The following SHROOM3 variants were observed in gnomAD, a reference collection of about 807,000 sequenced individuals.
SHROOM3 encodes protein Shroom3.
In SHROOM3, 47 loss-of-function variants were observed where a neutral mutation model predicts 138.6. That is an observed-to-expected ratio of 0.34 (90% CI 0.27 to 0.43). The LOEUF (loss-of-function observed/expected upper bound fraction) is 0.43, where lower values mean the gene tolerates loss of function less well. SHROOM3 is among the 20% of genes least tolerant of loss of function. The pLI is 1.00. For synonymous variants in SHROOM3, 1,062 were observed against 1,063.3 expected, an observed-to-expected ratio of 1.00 and a Z score of 0.02; for missense variants, 2,491 against 2,596.5, an observed-to-expected ratio of 0.96 and a Z score of 0.88.
In SHROOM3 at chr4:76,569,798, A is replaced by G. The variant is rs1286626789; in HGVS notation, c.323+14035A>G. Among the ~76,000 whole-genome samples the G allele has an allele frequency of 2.6e-5, 4 of 151,950 alleles. 1 individual carries two copies. The highest frequency in any genetic ancestry group is 4.4e-5 in the Non-Finnish European group (3 of 68,018). On this transcript the variant is annotated intron_variant, in intron 2 of 10. Coordinates refer to ENST00000296043, the MANE Select transcript of SHROOM3 (RefSeq NM_020859.4). ...GCAAATCCTTTGTACCTCTTCCTAC[A>G]TAAGACTGTCTTGAGGGAAGCCTGC...
chr4:76,732,884 T>C (rs756066142), intron 4 of SHROOM3, among the ~76,000 whole-genome samples: 1 of 152,236 alleles, frequency 6.6e-6, no homozygotes, highest in African/African-American at 2.4e-5. Flanking sequence ...GTGAGGATTA[T>C]ATAAAATAGC....
At chr4:76,554,497 G>A (rs1733438364) in intron 1 of SHROOM3, among the ~76,000 whole-genome samples, 2 of 147,004 alleles carry the variant, frequency 1.4e-5, no homozygotes, top group Admixed American at 7.0e-5. Flanking sequence ...TCAGCTCACT[G>A]CAAGCGTCGG....
At chr4:76,694,397 AGCTCCT>A (rs1719662033) in intron 2 of SHROOM3, among the ~76,000 whole-genome samples, 1 of 152,170 alleles carries the variant, frequency 6.6e-6, no homozygotes, top group African/African-American at 2.4e-5. Context: ...TTGTTTTAAA[AGCTCCT>A]GCTTACAGTG....
chr4:76,501,135 A>G (rs1394093375), intron 1 of SHROOM3, among the ~76,000 whole-genome samples: 2 of 152,088 alleles, frequency 1.3e-5, no homozygotes, highest in African/African-American at 4.8e-5. Flanking sequence ...CCATTTTTAA[A>G]TTAGATTGTC....
At chr4:76,666,935 A>G (rs1718708631) in intron 2 of SHROOM3, among the ~76,000 whole-genome samples, 3 of 152,248 alleles carry the variant, frequency 2.0e-5, no homozygotes, top group Admixed American at 2.0e-4. Flanking sequence ...ACATAGGTGA[A>G]CTTTGGGAAT....
chr4:76,493,155 C>A (rs188259274), intron 1 of SHROOM3, among the ~76,000 whole-genome samples: 2,277 of 133,880 alleles, frequency 0.017, 24 homozygotes, highest in Non-Finnish European at 0.024. Context: ...CGAGAGGCGG[C>A]GGTTGCAGTG....
chr4:76,501,142 T>A (rs1322783124), intron 1 of SHROOM3, among the ~76,000 whole-genome samples: 1 of 152,114 alleles, frequency 6.6e-6, no homozygotes. Flanking sequence ...TAAATTAGAT[T>A]GTCTTTTCTT....
At chr4:76,573,608 C>G (rs997696053) in intron 2 of SHROOM3, 3 of 154,342 alleles carry the variant, frequency 1.9e-5, no homozygotes, top group African/African-American at 7.2e-5. Flanking sequence ...AGGTCTTTGG[C>G]ACCATCTCCC....
At chr4:76,468,431 T>G (rs1415092732) in intron 1 of SHROOM3, among the ~76,000 whole-genome samples, 1 of 152,204 alleles carries the variant, frequency 6.6e-6, no homozygotes, top group African/African-American at 2.4e-5. Flanking sequence ...AAACAAATTA[T>G]AGAATTCCTT....
rs144413206 is a variant in SHROOM3, at chr4:76,701,437, C to T, written c.324-8719C>T. Among the ~76,000 whole-genome samples the T allele has an allele frequency of 4.7e-3, 710 of 152,278 alleles. 8 individuals carry two copies. The highest frequency in any genetic ancestry group is 0.016 in the African/African-American group (676 of 41,550). On this transcript the variant is annotated intron_variant, in intron 2 of 10. Coordinates refer to ENST00000296043, the MANE Select transcript of SHROOM3 (RefSeq NM_020859.4). ...GTGGCTTAGAAGTCCTGACCTTGAG[C>T]GAATAACTGTCCCTCTATGAGGCTG...
rs370940128 is a variant in SHROOM3 at position 76,631,459 on chromosome 4, C to T, written c.323+75696C>T. On this transcript the variant is annotated intron_variant, in intron 2 of 10. Transcript: ENST00000296043. Reference sequence around the variant, plus strand: ...AACTCCCAACCTCAGGTGATCCACCCGCCTCAGCCTCCCAAAGTGCTGGGA... The same window carrying T: ...AACTCCCAACCTCAGGTGATCCACCTGCCTCAGCCTCCCAAAGTGCTGGGA... 1.5e-4 allele frequency among the ~76,000 whole-genome samples: 23 copies of T among 152,042 alleles called. No homozygotes were observed. In the East Asian group the frequency reaches 2.9e-3, roughly 19 times the overall value.
chr4:76,682,519 T>C (rs1399942794), intron 2 of SHROOM3, among the ~76,000 whole-genome samples: 1 of 152,148 alleles, frequency 6.6e-6, no homozygotes, highest in African/African-American at 2.4e-5. Context: ...ACACTGTGAG[T>C]TCCTTGAAGT....
At chr4:76,492,592 G>A (rs548269450) in intron 1 of SHROOM3, among the ~76,000 whole-genome samples, 32 of 152,108 alleles carry the variant, frequency 2.1e-4, no homozygotes, top group African/African-American at 7.7e-4. Context: ...CTCATGATAA[G>A]GAAAAAAAAC....
intron 2 of SHROOM3, among the ~76,000 whole-genome samples, chr4:76,557,226 T>TACACACACACACACACACACACAC (rs35294663): frequency 1.9e-4 from 27 of 142,016 alleles, no homozygotes; most frequent in South Asian, 1.2e-3. Context: ...TGTTTATGTA[T>TACACACACACACACACACACACAC]ACACACACAC....
Position 76,589,470 on chromosome 4 carries a change from A to T in SHROOM3, c.323+33707A>T, listed in dbSNP as rs74865788. On this transcript the variant is annotated intron_variant, in intron 2 of 10. Transcript: ENST00000296043. The stretch of plus-strand genomic sequence containing the variant: ...TGATAAGAGTGAAACTCTGTCTCAT[A>T]AAAAAAAAAAAAAGAAAAAAGACTC... Among the ~76,000 whole-genome samples the T allele has an allele frequency of 1.3e-4, 7 of 52,622 alleles. No individual in the cohort carries two copies. In the East Asian group the frequency reaches 5.6e-3, roughly 42 times the overall value. 34.5% of individuals were successfully genotyped at this position (52,622 alleles called of 152,430 possible). A position where few individuals can be genotyped will look rare whatever the true frequency, so the allele number is the denominator to read the frequency against.
chr4:76,676,593 T>G (rs1719033044), intron 2 of SHROOM3, among the ~76,000 whole-genome samples: 1 of 152,104 alleles, frequency 6.6e-6, no homozygotes, highest in African/African-American at 2.4e-5. Context: ...GGAGGTTGGC[T>G]AGAATTTCCA....
At chr4:76,763,148 G>C (rs1722039355) in intron 9 of SHROOM3, among the ~76,000 whole-genome samples, 1 of 152,152 alleles carries the variant, frequency 6.6e-6, no homozygotes, top group South Asian at 2.1e-4. Context: ...CACTTTGGGA[G>C]GCCAAGGCAG....
chr4:76,492,890 G>A (rs1182226597), intron 1 of SHROOM3, among the ~76,000 whole-genome samples: 1 of 152,046 alleles, frequency 6.6e-6, no homozygotes, highest in African/African-American at 2.4e-5. Flanking sequence ...AACAAAATTT[G>A]GTTTTGATCG....
chr4:76,531,510 C>T (rs1357720026), intron 1 of SHROOM3, among the ~76,000 whole-genome samples: 3 of 152,134 alleles, frequency 2.0e-5, no homozygotes, highest in Non-Finnish European at 4.4e-5. Context: ...CTGGTCCTCT[C>T]AGTTCTTGAG....
Sources: allele counts gnomAD v4.1 joint callset (sites outside exome capture counted in the v4.1 genomes callset), GRCh38; gene constraint gnomAD v4.1.1; transcripts MANE v1.5; gene names NCBI Gene and HGNC (gene_info 2026-07-23, HGNC 2026-07-21).